The following BCO1 variants were observed in gnomAD, a reference collection of about 807,000 sequenced individuals.
BCO1 encodes the protein beta,beta-carotene 15,15'-dioxygenase.
A neutral mutation model predicts 56.3 loss-of-function variants in BCO1; 54 were observed. The observed-to-expected ratio is 0.96, with a 90% CI of 0.77 to 1.20. BCO1 has a LOEUF of 1.20. BCO1 is among the 50% of genes most tolerant of loss of function. The probability of loss-of-function intolerance (pLI) is 0.00; values close to 1 mark genes in which losing one functional copy is unlikely to be tolerated. For synonymous variants in BCO1, 318 were observed against 266.1 expected, an observed-to-expected ratio of 1.20 and a Z score of -1.90; for missense variants, 801 against 690.9, an observed-to-expected ratio of 1.16 and a Z score of -1.79.
intron 2 of BCO1, among the ~76,000 whole-genome samples, chr16:81,248,123 C>A (rs982096567): frequency 6.6e-6 from 1 of 152,108 alleles, no homozygotes; most frequent in Non-Finnish European, 1.5e-5. Flanking sequence ...AACTACTGGC[C>A]AGTCGCGATG....
chr16:81,281,676 A>G (rs1907889336), intron 8 of BCO1, among the ~76,000 whole-genome samples: 4 of 152,194 alleles, frequency 2.6e-5, no homozygotes, highest in Non-Finnish European at 5.9e-5. Context: ...CAGACCCTCT[A>G]GAACAGGAGT....
At chr16:81,287,050 G>A (rs1908222589) in intron 9 of BCO1, among the ~76,000 whole-genome samples, 1 of 151,006 alleles carries the variant, frequency 6.6e-6, no homozygotes, top group South Asian at 2.1e-4. Flanking sequence ...ACTCCAGCCT[G>A]GGCAACAGCC....
chr16:81,282,382 AAAAAACAAAAAACAAAAAC>A (rs1907931681), intron 8 of BCO1, among the ~76,000 whole-genome samples: 1 of 152,110 alleles, frequency 6.6e-6, no homozygotes, highest in Non-Finnish European at 1.5e-5. Context: ...GCCTCAAAAC[AAAAAACAAAAAACAAAAAC>A]AAAAACAAAA....
intron 6 of BCO1, among the ~76,000 whole-genome samples, chr16:81,268,563 G>A (rs553917733): frequency 1.3e-5 from 2 of 152,314 alleles, no homozygotes; most frequent in African/African-American, 2.4e-5. Context: ...ATGACAGTAT[G>A]TTCCACCAGA....
chr16:81,275,800 C>T (rs1339876605), intron 7 of BCO1, among the ~76,000 whole-genome samples: 2 of 152,260 alleles, frequency 1.3e-5, no homozygotes, highest in African/African-American at 4.8e-5. Flanking sequence ...CCCAGATTCT[C>T]TTGCTTTGGG....
intron 8 of BCO1, among the ~76,000 whole-genome samples, chr16:81,281,870 C>G (rs1241554531): frequency 6.6e-6 from 1 of 152,230 alleles, no homozygotes; most frequent in Non-Finnish European, 1.5e-5. Context: ...CCAGACATTG[C>G]CAGCATCTCA....
At chr16:81,277,252 C>T (rs1490616607) in intron 7 of BCO1, among the ~76,000 whole-genome samples, 1 of 152,120 alleles carries the variant, frequency 6.6e-6, no homozygotes, top group Non-Finnish European at 1.5e-5. Flanking sequence ...TGGGCCTCCA[C>T]TTGTACTCTC....
At chr16:81,282,895 T>G (rs1567464986) in intron 8 of BCO1, among the ~76,000 whole-genome samples, 1 of 152,180 alleles carries the variant, frequency 6.6e-6, no homozygotes, top group Non-Finnish European at 1.5e-5. Context: ...GTCATTCTTT[T>G]ATTGTTGACA....
At chr16:81,287,532 T>C in intron 10 of BCO1, 126 bp downstream of exon 10, 1 of 762,524 alleles carries the variant, frequency 1.3e-6, no homozygotes, top group Non-Finnish European at 2.3e-6. Context: ...CTTTGAAGTG[T>C]ACATCTGTCT....
At chr16:81,261,479 G>T (rs1326137332) in intron 3 of BCO1, among the ~76,000 whole-genome samples, 1 of 152,188 alleles carries the variant, frequency 6.6e-6, no homozygotes, top group Non-Finnish European at 1.5e-5. Flanking sequence ...ACGTTGTTAG[G>T]CTTTGGGAGC....
At position 81,245,875 on chromosome 16, in the gene BCO1, T is replaced by C. The variant is rs531828631; in HGVS notation, c.193+272T>C. Among the ~76,000 whole-genome samples, 36 of 108,164 alleles carry C rather than the reference T, an allele frequency of 3.3e-4. No individual in the cohort carries two copies. The South Asian group carries it at 7.7e-3, about 23-fold the overall frequency. 71.0% of individuals were successfully genotyped at this position (108,164 alleles called of 152,430 possible). Reference sequence around the variant, plus strand: ...TTTTTTTTTTTTTTTTTTTTTTTTTTCTCTGAGACGGAGTTTTGCTCTTGT... The same window carrying C: ...TTTTTTTTTTTTTTTTTTTTTTTTTCCTCTGAGACGGAGTTTTGCTCTTGT... On this transcript the variant is annotated intron_variant, in intron 2 of 10. Coordinates refer to ENST00000258168, the MANE Select transcript of BCO1 (RefSeq NM_017429.3).
chr16:81,258,415 G>A (rs1906279530), intron 2 of BCO1, among the ~76,000 whole-genome samples: 1 of 152,204 alleles, frequency 6.6e-6, no homozygotes, highest in South Asian at 2.1e-4. Context: ...ATGCAGGATT[G>A]GGCATCAGGT....
At chr16:81,279,467 A>G (rs1286780126) in intron 7 of BCO1, among the ~76,000 whole-genome samples, 1 of 152,228 alleles carries the variant, frequency 6.6e-6, no homozygotes, top group Non-Finnish European at 1.5e-5. Flanking sequence ...TATGGTAATA[A>G]TAGTAATAAT....
At chr16:81,248,214 C>T (rs982535415) in intron 2 of BCO1, among the ~76,000 whole-genome samples, 2 of 151,770 alleles carry the variant, frequency 1.3e-5, no homozygotes, top group Non-Finnish European at 2.9e-5. Flanking sequence ...CCAGCCTGGC[C>T]AACATGGTGA....
chr16:81,258,174 C>T (rs557854812), intron 2 of BCO1, among the ~76,000 whole-genome samples: 1 of 152,268 alleles, frequency 6.6e-6, no homozygotes, highest in East Asian at 1.9e-4. Context: ...CTGTAATCCC[C>T]ATTTCAGACT....
In BCO1 at chr16:81,245,534, G is replaced by T. The variant is rs777809771; in HGVS notation, c.124G>T (p.Val42Phe). ...CCGCAATGGGCCTGGGATGCACACA[G>T]TTGGGGAGTCCAGATACAACCATTG... Reference protein sequence around the residue: ...LLRNGPGMHTVGESRYNHWFD... With the variant: ...LLRNGPGMHTFGESRYNHWFD... The change falls in exon 2 of 11, where the codon GTT (valine) becomes TTT (phenylalanine). Residue 42 changes from valine (V) to phenylalanine (F), a missense_variant. By Grantham distance (50) the Val-to-Phe change is conservative. Transcript: ENST00000258168. 4.3e-6 allele frequency: 7 copies of T among 1,613,812 alleles called. No homozygotes were observed. The highest frequency in any genetic ancestry group is 5.1e-6 in the Non-Finnish European group (6 of 1,179,712).
intron 2 of BCO1, among the ~76,000 whole-genome samples, chr16:81,248,129 C>T (rs928562333): frequency 1.5e-4 from 23 of 152,216 alleles, no homozygotes; most frequent in African/African-American, 5.3e-4. Context: ...TGGCCAGTCG[C>T]GATGGCTCAC....
intron 2 of BCO1, among the ~76,000 whole-genome samples, chr16:81,246,824 C>T (rs796467499): frequency 7.3e-6 from 1 of 136,288 alleles, no homozygotes; most frequent in African/African-American, 2.8e-5. Flanking sequence ...GCACTCCAGC[C>T]TGGGAGACAG....
chr16:81,242,009 A>G (rs1425595917), intron 1 of BCO1, among the ~76,000 whole-genome samples: 1 of 152,074 alleles, frequency 6.6e-6, no homozygotes, highest in Non-Finnish European at 1.5e-5. Flanking sequence ...GGTTTAATCC[A>G]CCTAGAACAC....
Sources: allele counts gnomAD v4.1 joint callset (sites outside exome capture counted in the v4.1 genomes callset), GRCh38; gene constraint gnomAD v4.1.1; transcripts MANE v1.5; gene names NCBI Gene and HGNC (gene_info 2026-07-23, HGNC 2026-07-21).